ST7: variants seen among roughly 807,000 people sequenced by gnomAD.
ST7 encodes the protein suppression of tumorigenicity 7.
ST7 carries 28 observed loss-of-function variants against 78.7 expected under a neutral mutation model. That is an observed-to-expected ratio of 0.36 (90% CI 0.26 to 0.49). The LOEUF (loss-of-function observed/expected upper bound fraction) is 0.49. Ranked by LOEUF, ST7 falls within the 20% of genes least tolerant of loss-of-function variation. The pLI is 0.99. For synonymous variants in ST7, 247 were observed against 249.6 expected, an observed-to-expected ratio of 0.99 and a Z score of 0.10; for missense variants, 418 against 696.0, an observed-to-expected ratio of 0.60 and a Z score of 4.49.
intron 1 of ST7, among the ~76,000 whole-genome samples, chr7:117,005,860 A>G (rs1382793434): frequency 6.6e-6 from 1 of 152,238 alleles, no homozygotes; most frequent in African/African-American, 2.4e-5. Flanking sequence ...CAAAAAGCTA[A>G]TGCATTTTGT....
intron 12 of ST7, among the ~76,000 whole-genome samples, chr7:117,196,624 CTTTTTTTTTTTTT>C (rs56133709): frequency 1.7e-5 from 1 of 59,518 alleles, no homozygotes; most frequent in Non-Finnish European, 3.0e-5. Flanking sequence ...GATTGTTGGG[CTTTTTTTTTTTTT>C]TTTTTTTTTT....
intron 9 of ST7, among the ~76,000 whole-genome samples, chr7:117,159,215 T>A (rs566926077): frequency 6.6e-6 from 1 of 152,328 alleles, no homozygotes; most frequent in South Asian, 2.1e-4. Flanking sequence ...TCCAGTGAAT[T>A]AACTCTGCCT....
At chr7:117,197,216 T>A (rs1036592679) in intron 12 of ST7, among the ~76,000 whole-genome samples, 1 of 152,170 alleles carries the variant, frequency 6.6e-6, no homozygotes, top group Non-Finnish European at 1.5e-5. Flanking sequence ...TAAAAATTTT[T>A]AATAGAGACG....
At chr7:117,081,860 A>G (rs917826524) in intron 1 of ST7, among the ~76,000 whole-genome samples, 2 of 152,058 alleles carry the variant, frequency 1.3e-5, no homozygotes, top group African/African-American at 4.8e-5. Context: ...CTACACACAC[A>G]TACACTGAGA....
chr7:116,977,892 A>G (rs746423419), intron 1 of ST7, among the ~76,000 whole-genome samples: 1 of 152,222 alleles, frequency 6.6e-6, no homozygotes. Context: ...CCATACCTGA[A>G]AAAACAATAA....
chr7:117,083,450 G>C (rs566364231), intron 1 of ST7, among the ~76,000 whole-genome samples: 1 of 151,950 alleles, frequency 6.6e-6, no homozygotes, highest in Non-Finnish European at 1.5e-5. Context: ...TAGGGATGGG[G>C]TTTCACCATG....
At chr7:117,171,070 C>T (rs1337849961) in intron 10 of ST7, 94 bp downstream of exon 10, 3 of 643,820 alleles carry the variant, frequency 4.7e-6, no homozygotes, top group East Asian at 6.4e-5. Flanking sequence ...TAGCACAGCA[C>T]TTTTGTAGCC....
intron 1 of ST7, among the ~76,000 whole-genome samples, chr7:117,093,980 C>G (rs1044304038): frequency 5.3e-5 from 8 of 152,208 alleles, no homozygotes; most frequent in African/African-American, 1.9e-4. Context: ...AGTTGGGCCG[C>G]ATTGTCCATC....
chr7:117,192,650 A>T (rs766088821), intron 12 of ST7, among the ~76,000 whole-genome samples: 5 of 152,138 alleles, frequency 3.3e-5, no homozygotes, highest in Admixed American at 1.3e-4. Flanking sequence ...TTTTACCGTG[A>T]TCCTAACTAG....
At position 117,146,073 on chromosome 7, in the gene ST7, A is replaced by G. The variant is rs78181146; in HGVS notation, c.963+7541A>G. 408 of 152,340 alleles carry G rather than the reference A, an allele frequency of 2.7e-3. 3 individuals carry two copies. The highest frequency in any genetic ancestry group is 9.4e-3 in the African/African-American group (393 of 41,590). The allele number at this position is 152,340 out of a possible 1,614,324, so 9.4% of individuals were successfully genotyped here. ...CAATAACCTACAGAGTGAGTATTAC[A>G]TGTGCCATACATTCTGCTAAGAAAT... On this transcript the variant is annotated intron_variant, in intron 9 of 15. Coordinates refer to ENST00000323984, the MANE Select transcript of ST7 (RefSeq NM_001369598.1).
At position 117,170,974 on chromosome 7, in the gene ST7, A is replaced by G; in HGVS notation, c.1076A>G (p.Asp359Gly). Residue 359 changes from aspartate (D) to glycine (G), a missense_variant and splice_region_variant, in exon 10 of 16, where the codon GAT becomes GGT. Coordinates refer to ENST00000323984, the MANE Select transcript of ST7 (RefSeq NM_001369598.1). Reference sequence around the variant, plus strand: ...GTTCAGGCAGTCTTAGCAAAGTATGATGGTAAGTTCTTGGGTATTTTTATT... The same window carrying G: ...GTTCAGGCAGTCTTAGCAAAGTATGGTGGTAAGTTCTTGGGTATTTTTATT... ...ADVQAVLAKY[D>G]DISLPKSATI... 6.3e-7 allele frequency: 1 copy of G among 1,594,372 alleles called. No individual in the cohort carries two copies. The highest frequency in any genetic ancestry group is 8.6e-7 in the Non-Finnish European group (1 of 1,166,860).
chr7:117,052,413 C>T (rs1162464432), intron 1 of ST7, among the ~76,000 whole-genome samples: 1 of 152,158 alleles, frequency 6.6e-6, no homozygotes, highest in African/African-American at 2.4e-5. Flanking sequence ...ATCTTTGCAA[C>T]TTTCAGTCTG....
chr7:117,122,368 G>C (rs1803463845), intron 3 of ST7, among the ~76,000 whole-genome samples: 1 of 152,182 alleles, frequency 6.6e-6, no homozygotes, highest in African/African-American at 2.4e-5. Flanking sequence ...ATCAGATCTA[G>C]TTAGACACAA....
At chr7:117,194,156 A>T (rs1285785866) in intron 12 of ST7, among the ~76,000 whole-genome samples, 1 of 152,216 alleles carries the variant, frequency 6.6e-6, no homozygotes, top group African/African-American at 2.4e-5. Flanking sequence ...ATTGCAGCAA[A>T]CTAGTAAAGA....
chr7:117,128,520 T>A (rs1389947043), intron 3 of ST7, among the ~76,000 whole-genome samples: 1 of 151,896 alleles, frequency 6.6e-6, no homozygotes, highest in Non-Finnish European at 1.5e-5. Flanking sequence ...AGGGCCATTA[T>A]TTATAAATAT....
intron 1 of ST7, among the ~76,000 whole-genome samples, chr7:117,043,245 T>C (rs1457399468): frequency 1.3e-5 from 2 of 152,224 alleles, no homozygotes; most frequent in Non-Finnish European, 2.9e-5. Flanking sequence ...AGTAATTTTT[T>C]ATTTTGACTT....
chr7:117,222,407 A>G (rs545690626), intron 15 of ST7, among the ~76,000 whole-genome samples: 7 of 152,140 alleles, frequency 4.6e-5, no homozygotes, highest in Non-Finnish European at 8.8e-5. Flanking sequence ...ATTATTTCCA[A>G]TCGTTGGATA....
chr7:117,103,220 C>T (rs1801697207), intron 2 of ST7, among the ~76,000 whole-genome samples: 1 of 152,022 alleles, frequency 6.6e-6, no homozygotes, highest in South Asian at 2.1e-4. Flanking sequence ...ATCAAAATAC[C>T]AATCACATTC....
At chr7:117,158,280 C>G (rs569224210) in intron 9 of ST7, among the ~76,000 whole-genome samples, 2 of 152,306 alleles carry the variant, frequency 1.3e-5, no homozygotes, top group South Asian at 4.1e-4. Context: ...AAGTTTTACA[C>G]TGAAAACATT....
Sources: allele counts gnomAD v4.1 joint callset (sites outside exome capture counted in the v4.1 genomes callset), GRCh38; gene constraint gnomAD v4.1.1; transcripts MANE v1.5; gene names NCBI Gene and HGNC (gene_info 2026-07-23, HGNC 2026-07-21).